The following COL22A1 variants were observed in gnomAD, a reference collection of about 807,000 sequenced individuals.
The protein encoded by COL22A1 is collagen type XXII alpha 1 chain.
A neutral mutation model predicts 248.9 loss-of-function variants in COL22A1; 221 were observed. The observed-to-expected ratio is 0.89, with a 90% CI of 0.80 to 0.99. The LOEUF (loss-of-function observed/expected upper bound fraction) is 0.99, where lower values mean the gene tolerates loss of function less well. COL22A1 is among the 50% of genes least tolerant of loss of function. The pLI is 0.00. For missense variants in COL22A1, 2,240 were observed against 2,179.0 expected (o/e 1.03, Z -0.56); for synonymous variants, 891 against 793.4 (o/e 1.12, Z -2.07).
intron 41 of COL22A1, among the ~76,000 whole-genome samples, chr8:138,669,717 C>T (rs1262064973): frequency 6.6e-6 from 1 of 152,112 alleles, no homozygotes; most frequent in East Asian, 1.9e-4. Flanking sequence ...CCAGGGAAGG[C>T]AGTGGCATGT....
chr8:138,897,852 C>G (rs1474414685), intron 1 of COL22A1, among the ~76,000 whole-genome samples: 1 of 151,166 alleles, frequency 6.6e-6, no homozygotes, highest in Non-Finnish European at 1.5e-5. Flanking sequence ...GCTGCTGCAA[C>G]AAATTGCCAT....
At chr8:138,655,522 C>A (rs1487146069) in intron 45 of COL22A1, among the ~76,000 whole-genome samples, 5 of 152,240 alleles carry the variant, frequency 3.3e-5, no homozygotes, top group Non-Finnish European at 5.9e-5. Flanking sequence ...CCACATCAAG[C>A]TAATTTTTAA....
intron 48 of COL22A1, among the ~76,000 whole-genome samples, chr8:138,635,362 C>T (rs181602704): frequency 1.3e-5 from 2 of 152,250 alleles, no homozygotes; most frequent in Admixed American, 1.3e-4. Flanking sequence ...TAATTGAAAG[C>T]TGTTGTGGTT....
chr8:138,819,625 G>T (rs1818939998), intron 7 of COL22A1, among the ~76,000 whole-genome samples: 1 of 146,240 alleles, frequency 6.8e-6, no homozygotes, highest in Admixed American at 6.9e-5. Context: ...TATATATAAT[G>T]GTATATATAA....
Position 138,802,864 on chromosome 8 carries a change from C to A in COL22A1, c.1557+8G>T. The A allele has an allele frequency of 6.2e-7, 1 of 1,611,782 alleles. No homozygotes were observed. Among genetic ancestry groups the A allele is most frequent in the Non-Finnish European group, 8.5e-7 (1 of 1,177,910 alleles). On this transcript the variant is annotated splice_region_variant and intron_variant, in intron 11 of 64. Coordinates refer to ENST00000303045, the MANE Select transcript of COL22A1 (RefSeq NM_152888.3). ...TTCAGCCATGTAGAGGAGCAGCCAT[C>A]TACTCACCACATCACCTTTCTCTCC...
In COL22A1 at chr8:138,878,080, A is replaced by G. The variant is rs1422947088; in HGVS notation, c.328T>C (p.Tyr110His). The G allele has an allele frequency of 6.3e-7, 1 of 1,598,490 alleles. No individual in the cohort carries two copies. Among genetic ancestry groups the G allele is most frequent in the Non-Finnish European group, 8.5e-7 (1 of 1,173,412 alleles). The change falls in exon 3 of 65, where the codon TAC becomes CAC. Residue 110 changes from tyrosine to histidine, a missense_variant. Transcript: ENST00000303045. ...CCCGTGTTGGTGTTGCCCCCGTGGTAGGCGAGACGCCGGGCAGCCGCCTTG... is the reference window on the plus strand; with the variant it reads ...CCCGTGTTGGTGTTGCCCCCGTGGTGGGCGAGACGCCGGGCAGCCGCCTTG... Reference protein sequence around the residue: ...EVKAAARRLAYHGGNTNTGDA... With the variant: ...EVKAAARRLAHHGGNTNTGDA...
intron 30 of COL22A1, among the ~76,000 whole-genome samples, chr8:138,704,122 C>G (rs576897021): frequency 6.6e-6 from 1 of 152,306 alleles, no homozygotes; most frequent in East Asian, 1.9e-4. Flanking sequence ...AACAAAGCAG[C>G]CGGGAGGCTC....
intron 39 of COL22A1, among the ~76,000 whole-genome samples, chr8:138,682,962 G>A (rs1277548032): frequency 6.6e-6 from 1 of 152,204 alleles, no homozygotes; most frequent in African/African-American, 2.4e-5. Context: ...GCCTCCCAAA[G>A]TGCTGGGATT....
intron 31 of COL22A1, 72 bp downstream of exon 31, chr8:138,703,234 G>A: frequency 7.5e-7 from 1 of 1,337,620 alleles, no homozygotes; most frequent in South Asian, 1.2e-5. Flanking sequence ...AGTAGTGGCA[G>A]TTGCTGGAGG....
chr8:138,697,360 G>A (rs1268114905), intron 32 of COL22A1, among the ~76,000 whole-genome samples: 2 of 152,188 alleles, frequency 1.3e-5, no homozygotes, highest in African/African-American at 2.4e-5. Flanking sequence ...AATCAGGCCG[G>A]TTGGACAGAG....
intron 4 of COL22A1, among the ~76,000 whole-genome samples, chr8:138,841,712 G>T (rs1442001274): frequency 2.0e-5 from 3 of 152,162 alleles, no homozygotes; most frequent in Non-Finnish European, 2.9e-5. Context: ...AGTGCTGGAG[G>T]TTGACATGCT....
intron 3 of COL22A1, among the ~76,000 whole-genome samples, chr8:138,846,205 C>T (rs929382186): frequency 5.3e-5 from 8 of 152,128 alleles, no homozygotes; most frequent in African/African-American, 7.2e-5. Context: ...TGTGGGGTGA[C>T]GATCAATTGC....
At chr8:138,644,765 T>A (rs1276369550) in intron 47 of COL22A1, among the ~76,000 whole-genome samples, 2 of 152,220 alleles carry the variant, frequency 1.3e-5, no homozygotes, top group African/African-American at 4.8e-5. Flanking sequence ...TCATGACTTC[T>A]CCTATAGCTT....
At chr8:138,724,313 G>A (rs1041899451) in intron 25 of COL22A1, among the ~76,000 whole-genome samples, 4 of 152,206 alleles carry the variant, frequency 2.6e-5, no homozygotes, top group African/African-American at 9.6e-5. Context: ...CATGCCTTCA[G>A]CAGCAAAGGA....
rs73448885 is a variant in COL22A1, at chr8:138,596,685, A to G, written c.4432+219T>C. Reference sequence around the variant, plus strand: ...TAGATAGTGAGCTCTCCTTCACTAGAGGTAACCAAGTGAAAGCTGAAGGAC... The same window carrying G: ...TAGATAGTGAGCTCTCCTTCACTAGGGGTAACCAAGTGAAAGCTGAAGGAC... On this transcript the variant is annotated intron_variant, in intron 62 of 64. Coordinates refer to ENST00000303045, the MANE Select transcript of COL22A1 (RefSeq NM_152888.3). Among the ~76,000 whole-genome samples, 389 of 152,306 alleles carry G rather than the reference A, an allele frequency of 2.6e-3. 3 individuals are homozygous for G. The highest frequency in any genetic ancestry group is 9.0e-3 in the African/African-American group (372 of 41,556).
At chr8:138,812,049 C>T (rs1818283013) in intron 8 of COL22A1, 128 bp from the exon 9 acceptor site, 1 of 1,119,026 alleles carries the variant, frequency 8.9e-7, no homozygotes, top group African/African-American at 1.6e-5. Flanking sequence ...GAGGATGTCT[C>T]TCCTGAGGCC....
At chr8:138,883,718 A>T (rs1335546937) in intron 1 of COL22A1, among the ~76,000 whole-genome samples, 1 of 151,184 alleles carries the variant, frequency 6.6e-6, no homozygotes, top group Non-Finnish European at 1.5e-5. Context: ...GCTCTCTCAC[A>T]TATTCGCTCT....
At chr8:138,822,258 C>A (rs375064644) in intron 6 of COL22A1, among the ~76,000 whole-genome samples, 2 of 152,276 alleles carry the variant, frequency 1.3e-5, no homozygotes, top group African/African-American at 4.8e-5. Context: ...CCATTTTGGC[C>A]AGGCTGGTCT....
chr8:138,685,394 T>G, intron 37 of COL22A1, 82 bp from the exon 38 acceptor site: 1 of 1,144,592 alleles, frequency 8.7e-7, no homozygotes, highest in Non-Finnish European at 1.3e-6. Flanking sequence ...TGAGTAGGTT[T>G]GTAGGTTTCC....
Sources: gnomAD v4.1 joint callset for allele counts (sites outside exome capture counted in the v4.1 genomes callset) on GRCh38, gnomAD v4.1.1 for gene constraint, MANE v1.5 for transcripts, NCBI Gene and HGNC (gene_info 2026-07-23, HGNC 2026-07-21) for gene names.